The following AMPD3 variants were observed in gnomAD, a reference collection of about 807,000 sequenced individuals.
AMPD3 encodes AMP deaminase 3.
Under a neutral mutation model 82.3 loss-of-function variants are expected in AMPD3, and 57 were observed. The observed-to-expected ratio is 0.69, with a 90% confidence interval of 0.56 to 0.86. The LOEUF is 0.86. Ranked by LOEUF, AMPD3 falls within the 40% of genes least tolerant of loss-of-function variation. The pLI is 0.00. For missense variants in AMPD3, 870 were observed against 1,003.8 expected (o/e 0.87, Z 1.80); for synonymous variants, 381 against 394.7 (o/e 0.97, Z 0.41).
intron 2 of AMPD3, among the ~76,000 whole-genome samples, chr11:10,464,522 A>G (rs1241355713): frequency 6.6e-6 from 1 of 152,104 alleles, no homozygotes; most frequent in Non-Finnish European, 1.5e-5. Context: ...CTGGAATGAC[A>G]CTAGGTGCTG....
At position 10,493,334 on chromosome 11, in the gene AMPD3, G is replaced by A. The variant is rs746494127; in HGVS notation, c.940-15G>A. ...AGGTGGCCTGACTCAGGGCCTGGTG[G>A]GCGCTGTGTTCCAGGTGGACACACA... On this transcript the variant is annotated splice_polypyrimidine_tract_variant and intron_variant, in intron 6 of 14. Transcript: ENST00000396553. 2 of 1,613,910 alleles carry A rather than the reference G, an allele frequency of 1.2e-6. No homozygotes were observed. The highest frequency in any genetic ancestry group is 1.7e-5 in the Admixed American group (1 of 60,012).
At chr11:10,481,886 T>C in intron 3 of AMPD3, 177 bp from the exon 4 acceptor site, 1 of 743,752 alleles carries the variant, frequency 1.3e-6, no homozygotes, top group Non-Finnish European at 2.4e-6. Flanking sequence ...CCATATTGTT[T>C]GTACAAGTAG....
chr11:10,499,944 C>T, intron 10 of AMPD3, 142 bp from the exon 11 acceptor site: 1 of 1,507,498 alleles, frequency 6.6e-7, no homozygotes, highest in Non-Finnish European at 8.9e-7. Context: ...TGGCCTCAGG[C>T]AGGCCAAGGG....
intron 2 of AMPD3, among the ~76,000 whole-genome samples, chr11:10,474,227 C>T (rs944389076): frequency 6.6e-6 from 1 of 152,206 alleles, no homozygotes; most frequent in Non-Finnish European, 1.5e-5. Flanking sequence ...CAGGGCCTGG[C>T]ACACAGTAGT....
In AMPD3 at chr11:10,461,802, G is replaced by A. The variant is rs190670467; in HGVS notation, c.221+62G>A. ...TCATGCAGACCCAGGCAGGCTGTGG[G>A]TGTGTGTCCTGATATGAGGCACCTC... On this transcript the variant is annotated intron_variant, in intron 2 of 14. Transcript: ENST00000396553. 3.3e-6 allele frequency: 5 copies of A among 1,512,062 alleles called. No individual in the cohort carries two copies. In the African/African-American group the frequency reaches 5.5e-5, roughly 17 times the overall value. 93.7% of individuals were successfully genotyped at this position (1,512,062 alleles called of 1,614,324 possible).
At chr11:10,460,048 A>ATATTATATT (rs1252768892) in intron 1 of AMPD3, among the ~76,000 whole-genome samples, 3 of 106,452 alleles carry the variant, frequency 2.8e-5, no homozygotes, top group Non-Finnish European at 6.0e-5. Context: ...TAAAATATAT[A>ATATTATATT]TTATATATAA....
chr11:10,492,811 A>G (rs1254584990), intron 6 of AMPD3, among the ~76,000 whole-genome samples: 1 of 152,056 alleles, frequency 6.6e-6, no homozygotes, highest in Non-Finnish European at 1.5e-5. Context: ...TGGAGGAACA[A>G]GGTTGGCTCC....
intron 1 of AMPD3, among the ~76,000 whole-genome samples, chr11:10,458,662 T>C (rs1848172062): frequency 6.6e-6 from 1 of 152,228 alleles, no homozygotes; most frequent in African/African-American, 2.4e-5. Flanking sequence ...ACCATCCTCA[T>C]AATCATAATT....
chr11:10,476,566 T>C (rs1440476163), intron 2 of AMPD3, among the ~76,000 whole-genome samples: 1 of 151,924 alleles, frequency 6.6e-6, no homozygotes, highest in Admixed American at 6.6e-5. Context: ...GGACCAGACC[T>C]CAGGCAGCCT....
upstream of AMPD3, chr11:10,450,998 C>T (rs757694512): frequency 4.1e-5 from 64 of 1,574,508 alleles, no homozygotes; most frequent in Non-Finnish European, 5.3e-5. Flanking sequence ...TCCAGCCCTG[C>T]GGCCGTCCCT....
rs533696066 is a variant in AMPD3, at chr11:10,484,402, T to A, written c.590-418T>A. 3 of 985,304 alleles carry A rather than the reference T, an allele frequency of 3.0e-6. No individual in the cohort carries two copies. The East Asian group carries it at 3.4e-4, about 112-fold the overall frequency. 61.0% of individuals were successfully genotyped at this position (985,304 alleles called of 1,614,324 possible). ...TTCCCACTGGGCAGTCCAGGTGCAA[T>A]CTGTTTTTTTCCTGGGAGAAGACAC... On this transcript the variant is annotated intron_variant, in intron 4 of 14. Transcript: ENST00000396553.
intron 2 of AMPD3, among the ~76,000 whole-genome samples, chr11:10,472,114 A>T (rs1848610055): frequency 6.6e-6 from 1 of 152,264 alleles, no homozygotes; most frequent in African/African-American, 2.4e-5. Flanking sequence ...CTATGCAGCC[A>T]TAAAAAAGAT....
rs573215119 is a variant in AMPD3, at chr11:10,459,931, G to T, written c.-5-1584G>T. 4.7e-4 allele frequency among the ~76,000 whole-genome samples: 72 copies of T among 151,656 alleles called. 1 individual carries two copies. The highest frequency in any genetic ancestry group is 1.7e-3 in the African/African-American group (71 of 41,304). ...TAAAAGTGTGACCCTGGGCATGTTA[G>T]CTCTCTATGCCTTCATTTTCTCATC... On this transcript the variant is annotated intron_variant, in intron 1 of 14. Coordinates refer to ENST00000396553, the MANE Select transcript of AMPD3 (RefSeq NM_001025389.2).
upstream of AMPD3, chr11:10,455,104 A>G (rs1462063401): frequency 1.0e-6 from 1 of 983,088 alleles, no homozygotes; most frequent in Non-Finnish European, 1.2e-6. Context: ...TCAGGGTTAC[A>G]GCTAGCCTCC....
chr11:10,473,553 T>G, intron 2 of AMPD3: 7 of 985,318 alleles, frequency 7.1e-6, no homozygotes, highest in Non-Finnish European at 8.4e-6. Context: ...CACACCTGAT[T>G]GGCTGCAAAG....
chr11:10,479,068 T>G (rs902654559), intron 3 of AMPD3, among the ~76,000 whole-genome samples: 2 of 152,152 alleles, frequency 1.3e-5, no homozygotes, highest in Non-Finnish European at 2.9e-5. Context: ...CTTTCAGTGT[T>G]GCCAAATGTT....
Position 10,484,878 on chromosome 11 carries a change from C to T in AMPD3, c.648C>T (p.Pro216=). The T allele has an allele frequency of 6.2e-7, 1 of 1,614,148 alleles. No individual in the cohort carries two copies. The highest frequency in any genetic ancestry group is 1.7e-5 in the Admixed American group (1 of 60,032). ...CCTACTGCCTGGATGATGCACCCCC[C>T]AACCTGGATTACTTGGTCCACATGC... ...EDPYCLDDAP[P]NLDYLVHMQG... is the part of the protein sequence containing the mutation. The change falls in exon 5 of 15, where the codon CCC becomes CCT. Residue 216 remains proline (P), a synonymous_variant. Transcript: ENST00000396553.
At chr11:10,501,910 C>T in intron 12 of AMPD3, 1 of 984,610 alleles carries the variant, frequency 1.0e-6, no homozygotes, top group South Asian at 4.7e-5. Flanking sequence ...ATAATGAACA[C>T]AGAATTTGGT....
intron 5 of AMPD3, among the ~76,000 whole-genome samples, chr11:10,485,857 T>C (rs541741011): frequency 6.6e-6 from 1 of 152,040 alleles, no homozygotes; most frequent in East Asian, 1.9e-4. Context: ...CCCTCACTTC[T>C]TGGTGGGCAC....
Sources: allele counts gnomAD v4.1 joint callset (sites outside exome capture counted in the v4.1 genomes callset), GRCh38; gene constraint gnomAD v4.1.1; transcripts MANE v1.5; gene names NCBI Gene and HGNC (gene_info 2026-07-23, HGNC 2026-07-21).